The following DNM3 variants were observed in gnomAD, a reference collection of about 807,000 sequenced individuals.
DNM3 encodes dynamin-3.
DNM3 carries 47 observed loss-of-function variants against 101.6 expected under a neutral mutation model. The observed-to-expected ratio is 0.46, with a 90% CI of 0.37 to 0.59. The LOEUF is 0.59. Ranked by LOEUF, DNM3 falls within the 20% of genes least tolerant of loss-of-function variation. The probability of loss-of-function intolerance (pLI) is 0.00; values close to 1 mark genes in which losing one functional copy is unlikely to be tolerated. For synonymous variants in DNM3, 385 were observed against 387.9 expected (o/e 0.99, Z 0.09); for missense variants, 849 against 1,085.7 (o/e 0.78, Z 3.06).
At chr1:172,367,586 C>T (rs554205184) in intron 17 of DNM3, among the ~76,000 whole-genome samples, 6 of 151,884 alleles carry the variant, frequency 4.0e-5, no homozygotes, top group African/African-American at 1.4e-4. Flanking sequence ...TAAGTCCTCT[C>T]CTAACAATAA....
intron 15 of DNM3, among the ~76,000 whole-genome samples, chr1:172,287,807 A>G (rs1364381069): frequency 1.4e-5 from 1 of 72,158 alleles, no homozygotes; most frequent in African/African-American, 7.0e-5. Context: ...ATACACATGC[A>G]CACACACACA....
At chr1:172,301,164 C>T (rs1432507335) in intron 15 of DNM3, among the ~76,000 whole-genome samples, 1 of 152,110 alleles carries the variant, frequency 6.6e-6, no homozygotes, top group African/African-American at 2.4e-5. Flanking sequence ...ATTGGACTAT[C>T]TTTTCTGGAA....
At chr1:172,239,545 C>G (rs1233010568) in intron 14 of DNM3, among the ~76,000 whole-genome samples, 1 of 152,066 alleles carries the variant, frequency 6.6e-6, no homozygotes, top group East Asian at 1.9e-4. Context: ...CTATGTGAAC[C>G]TCTATGTTAA....
intron 4 of DNM3, among the ~76,000 whole-genome samples, chr1:172,031,466 C>G (rs563653566): frequency 6.6e-6 from 1 of 152,138 alleles, no homozygotes; most frequent in East Asian, 1.9e-4. Flanking sequence ...GGCTTAAAAC[C>G]TAGATGATGG....
chr1:172,238,628 G>A (rs2061630300), intron 14 of DNM3, among the ~76,000 whole-genome samples: 1 of 152,082 alleles, frequency 6.6e-6, no homozygotes, highest in African/African-American at 2.4e-5. Context: ...GATCGGCAGA[G>A]GTAAGCATGC....
At chr1:171,935,033 C>T (rs375975768) in intron 2 of DNM3, among the ~76,000 whole-genome samples, 5 of 152,204 alleles carry the variant, frequency 3.3e-5, no homozygotes. Flanking sequence ...GGGAATTTTA[C>T]TCGTATCTGT....
intron 14 of DNM3, among the ~76,000 whole-genome samples, chr1:172,240,607 A>G (rs10911356): frequency 0.17 from 25,179 of 152,208 alleles, 2,435 homozygotes; most frequent in East Asian, 0.24. Context: ...AAGGGCTAGC[A>G]TGTAGAATTA....
intron 13 of DNM3, among the ~76,000 whole-genome samples, chr1:172,123,814 A>G (rs923901019): frequency 6.6e-6 from 1 of 152,074 alleles, no homozygotes; most frequent in African/African-American, 2.4e-5. Context: ...TATTCCATTG[A>G]GTTTAATCCT....
At chr1:172,217,395 G>A (rs1469643231) in intron 14 of DNM3, among the ~76,000 whole-genome samples, 4 of 152,120 alleles carry the variant, frequency 2.6e-5, no homozygotes, top group African/African-American at 7.2e-5. Context: ...AACCAATTGT[G>A]TTCAGTCCTT....
rs555614374 is a variant in DNM3, at chr1:172,009,138, TTA to T, written c.589+19998_589+19999del. 6.0e-3 allele frequency among the ~76,000 whole-genome samples: 836 copies of T among 139,212 alleles called. 17 individuals carry two copies. The highest frequency in any genetic ancestry group is 0.021 in the African/African-American group (786 of 37,754). The allele number at this position is 139,212 out of a possible 152,430, so 91.3% of individuals were successfully genotyped here. A position where few individuals can be genotyped will look rare whatever the true frequency, so the allele number is the denominator to read the frequency against. On this transcript the variant is annotated intron_variant, in intron 4 of 20. Coordinates refer to ENST00000627582, the MANE Select transcript of DNM3 (RefSeq NM_015569.5). ...ATATCATATAATATATATATTTATATTATATATATTATATGATATATAATATT... is the reference window on the plus strand; with the variant it reads ...ATATCATATAATATATATATTTATATTATATATTATATGATATATAATATT...
chr1:172,405,399 G>A (rs946841799), intron 20 of DNM3, among the ~76,000 whole-genome samples: 1 of 151,976 alleles, frequency 6.6e-6, no homozygotes, highest in African/African-American at 2.4e-5. Flanking sequence ...AGTCATAGGG[G>A]AAGGCAGAGG....
intron 16 of DNM3, among the ~76,000 whole-genome samples, chr1:172,317,281 AAGC>A (rs1448008475): frequency 6.6e-6 from 1 of 151,874 alleles, no homozygotes; most frequent in Non-Finnish European, 1.5e-5. Flanking sequence ...CCATAAGAGA[AAGC>A]AGGAAAGATC....
At chr1:172,281,715 T>G (rs188447792) in intron 15 of DNM3, among the ~76,000 whole-genome samples, 48 of 152,272 alleles carry the variant, frequency 3.2e-4, no homozygotes, top group African/African-American at 1.0e-3. Context: ...ACTCCATAAT[T>G]ATAGACTTCT....
intron 2 of DNM3, among the ~76,000 whole-genome samples, chr1:171,961,845 C>A (rs1281701759): frequency 1.3e-5 from 2 of 152,112 alleles, no homozygotes; most frequent in Non-Finnish European, 2.9e-5. Context: ...ATAAGCCAGC[C>A]ACAAAAGGAC....
At chr1:172,371,850 T>TTTTATG (rs1558055739) in intron 17 of DNM3, among the ~76,000 whole-genome samples, 1 of 149,692 alleles carries the variant, frequency 6.7e-6, no homozygotes, top group Non-Finnish European at 1.5e-5. Context: ...TTATTTTTAT[T>TTTTATG]TTTATTTATT....
intron 5 of DNM3, 55 bp from the exon 6 acceptor site, chr1:172,033,050 C>G (rs1038867889): frequency 1.9e-6 from 3 of 1,578,756 alleles, no homozygotes; most frequent in Non-Finnish European, 1.7e-6. Context: ...TGAAATCTCC[C>G]TAGAATAAGC....
chr1:171,843,398 A>G (rs2031576963), intron 1 of DNM3, among the ~76,000 whole-genome samples: 2 of 152,214 alleles, frequency 1.3e-5, no homozygotes, highest in African/African-American at 2.4e-5. Context: ...TTTGTTGCCA[A>G]TGAAATTTAC....
At chr1:172,257,406 TG>T (rs1410902080) in intron 15 of DNM3, among the ~76,000 whole-genome samples, 1 of 152,176 alleles carries the variant, frequency 6.6e-6, no homozygotes, top group Non-Finnish European at 1.5e-5. Context: ...TGCCAATTTT[TG>T]CTTGAGGCCA....
chr1:172,379,066 C>T lies in DNM3; in HGVS notation c.1942C>T (p.Gln648Ter). ...AGCAGAAAACTTTTCCATGGACCCA[C>T]AATTGGAGAGGCAAGTGGAGACCAT... is the stretch of plus-strand genomic sequence containing the variant. ...GQAENFSMDP[Q>*]LERQVETIRN... Residue 648 changes from glutamine to a stop codon, truncating the protein, a stop_gained, in exon 18 of 21, where the codon CAA (glutamine) becomes TAA (stop). Coordinates refer to ENST00000627582, the MANE Select transcript of DNM3 (RefSeq NM_015569.5). LOFTEE classifies it high-confidence loss of function. The T allele has an allele frequency of 6.2e-7, 1 of 1,612,322 alleles. No homozygotes were observed. The highest frequency in any genetic ancestry group is 8.5e-7 in the Non-Finnish European group (1 of 1,178,962).
Sources: gnomAD v4.1 joint callset for allele counts (sites outside exome capture counted in the v4.1 genomes callset) on GRCh38, gnomAD v4.1.1 for gene constraint, MANE v1.5 for transcripts, NCBI Gene and HGNC (gene_info 2026-07-23, HGNC 2026-07-21) for gene names.